The following CCT5 variants were observed in gnomAD, a reference collection of about 807,000 sequenced individuals.
The protein encoded by CCT5 is T-complex protein 1 subunit epsilon.
A neutral mutation model predicts 55.0 loss-of-function variants in CCT5; 6 were observed. The observed-to-expected ratio is 0.11, with a 90% CI of 0.06 to 0.22. CCT5 has a LOEUF of 0.22. Ranked by LOEUF, CCT5 falls within the 10% of genes least tolerant of loss-of-function variation. The pLI, the probability that CCT5 is intolerant of heterozygous loss-of-function variation, is 1.00. For missense variants in CCT5, 560 were observed against 694.6 expected (o/e 0.81, Z 2.18); for synonymous variants, 231 against 243.7 (o/e 0.95, Z 0.49).
chr5:10,263,335 T>C (rs752954653), intron 10 of CCT5, 21 bp downstream of exon 10: 1 of 1,401,710 alleles, frequency 7.1e-7, no homozygotes, highest in Non-Finnish European at 9.4e-7. Context: ...GTCACGCCTC[T>C]GCGTGGAGGG....
At chr5:10,253,483 C>G (rs1424122937) in intron 1 of CCT5, among the ~76,000 whole-genome samples, 1 of 152,158 alleles carries the variant, frequency 6.6e-6, no homozygotes, top group African/African-American at 2.4e-5. Flanking sequence ...AACTCCTGGC[C>G]TCAAGCAATC....
chr5:10,253,313 A>C (rs1745521063), intron 1 of CCT5, among the ~76,000 whole-genome samples: 1 of 131,384 alleles, frequency 7.6e-6, no homozygotes, highest in Admixed American at 8.2e-5. Flanking sequence ...TTTTTGAGAC[A>C]CAGCAAGACT....
chr5:10,264,577 T>A (rs970826668), intron 10 of CCT5, 79 bp from the exon 11 acceptor site: 2 of 958,220 alleles, frequency 2.1e-6, no homozygotes, highest in African/African-American at 3.2e-5. Context: ...TTACTGTGAT[T>A]CCCTAAATCA....
At chr5:10,250,512 G>A (rs1030925093) in intron 1 of CCT5, 67 bp downstream of exon 1, 1 of 1,594,702 alleles carries the variant, frequency 6.3e-7, no homozygotes, top group African/African-American at 1.3e-5. Flanking sequence ...CTCTGCGCCT[G>A]CGCGAGTTGA....
Position 10,254,131 on chromosome 5 carries a change from G to C in CCT5, c.106-14G>C, listed in dbSNP as rs1401457439. On this transcript the variant is annotated splice_polypyrimidine_tract_variant and intron_variant, in intron 1 of 10. Coordinates refer to ENST00000280326, the MANE Select transcript of CCT5 (RefSeq NM_012073.5). ...ATATGTAACAGTGTTTGCTTTTTCT[G>C]TTTGTTTCATTAGTCTCATATAATG... 1.9e-6 allele frequency: 3 copies of C among 1,587,278 alleles called. No homozygotes were observed. The highest frequency in any genetic ancestry group is 2.6e-6 in the Non-Finnish European group (3 of 1,156,022).
At chr5:10,252,763 T>G (rs1745489605) in intron 1 of CCT5, among the ~76,000 whole-genome samples, 1 of 152,202 alleles carries the variant, frequency 6.6e-6, no homozygotes, top group South Asian at 2.1e-4. Context: ...CCTTGATGTT[T>G]GATACTCTTC....
chr5:10,258,438 A>G lies in CCT5; in HGVS notation c.776A>G (p.Lys259Arg). The G allele has an allele frequency of 2.5e-6, 4 of 1,614,226 alleles. No individual in the cohort carries two copies. Among genetic ancestry groups the G allele is most frequent in the Non-Finnish European group, 3.4e-6 (4 of 1,180,026 alleles). The change falls in exon 6 of 11, where the codon AAA becomes AGA. Residue 259 changes from lysine (K) to arginine (R), a missense_variant. This residue lies in a region of CCT5 where 256 missense variants were observed against 372.4 expected (regional missense o/e 0.69). Coordinates refer to ENST00000280326, the MANE Select transcript of CCT5 (RefSeq NM_012073.5). ...AILTCPFEPP[K>R]PKTKHKLDVT... is the part of the protein sequence containing the mutation. ...CTCACATGTCCATTTGAACCACCCA[A>G]ACCAAAAACAAAGCATAAGCTGGAT... is the stretch of plus-strand genomic sequence containing the variant.
Position 10,250,508 on chromosome 5 carries a change from G to T in CCT5, c.105+63G>T. The T allele has an allele frequency of 1.9e-6, 3 of 1,597,124 alleles. No individual in the cohort carries two copies. In the African/African-American group the frequency reaches 4.0e-5, roughly 21 times the overall value. ...GAGGTGGCCGAGGCCGTGGCTCTGC[G>T]CCTGCGCGAGTTGAGGAGCGGCTCT... On this transcript the variant is annotated intron_variant, in intron 1 of 10. Transcript: ENST00000280326.
intron 8 of CCT5, chr5:10,261,967 A>C: frequency 1.8e-6 from 1 of 546,306 alleles, no homozygotes. Context: ...TACAATATAC[A>C]CTATGAGATT....
In CCT5 at chr5:10,250,359, C is replaced by G. The variant is rs754154147; in HGVS notation, c.19C>G (p.Leu7Val). 1.2e-6 allele frequency: 2 copies of G among 1,614,138 alleles called. No homozygotes were observed. Among genetic ancestry groups the G allele is most frequent in the Admixed American group, 3.3e-5 (2 of 60,032 alleles). Reference sequence around the variant, plus strand: ...TTGCACCATGGCGTCCATGGGGACCCTCGCCTTCGATGAATATGGGCGCCC... The same window carrying G: ...TTGCACCATGGCGTCCATGGGGACCGTCGCCTTCGATGAATATGGGCGCCC... MASMGT[L>V]AFDEYGRPFL... is the part of the protein sequence containing the mutation. Residue 7 changes from leucine (L) to valine (V), a missense_variant, in exon 1 of 11, where the codon CTC (leucine) becomes GTC (valine). Leu to Val is a conservative substitution (Grantham distance 32). Coordinates refer to ENST00000280326, the MANE Select transcript of CCT5 (RefSeq NM_012073.5).
intron 10 of CCT5, among the ~76,000 whole-genome samples, chr5:10,263,555 G>C (rs111409068): frequency 4.5e-4 from 69 of 152,310 alleles, no homozygotes; most frequent in African/African-American, 1.6e-3. Context: ...CACCAAAGAT[G>C]ACTTAGGTTT....
In CCT5 at chr5:10,262,550, C is replaced by T. The variant is rs776123781; in HGVS notation, c.1249C>T (p.Arg417Cys). 1 of 1,614,220 alleles carries T rather than the reference C, an allele frequency of 6.2e-7. No homozygotes were observed. Among genetic ancestry groups the T allele is most frequent in the Non-Finnish European group, 8.5e-7 (1 of 1,180,018 alleles). ...CVIRNLIRDN[R>C]VVYGGGAAEI... ...CATCCGGAACCTCATCCGCGATAAT[C>T]GTGTGGTGTATGGAGGAGGGGCTGC... The change falls in exon 9 of 11, where the codon CGT (arginine) becomes TGT (cysteine). Residue 417 changes from arginine (R) to cysteine (C), a missense_variant. This residue lies in a region of CCT5 where 256 missense variants were observed against 372.4 expected (regional missense o/e 0.69). Coordinates refer to ENST00000280326, the MANE Select transcript of CCT5 (RefSeq NM_012073.5).
Position 10,258,126 on chromosome 5 carries a change from C to A in CCT5, c.546C>A (p.His182Gln), listed in dbSNP as rs1471121762. Residue 182 changes from histidine (H) to glutamine (Q), a missense_variant, in exon 5 of 11, where the codon CAC becomes CAA. Physicochemically the swap from His to Gln is conservative, Grantham distance 24. Transcript: ENST00000280326. ...TLGSKVVNSC[H>Q]RQMAEIAVNA... ...TTTTCCTCAGGGTCAACAGTTGTCA[C>A]CGACAGATGGCTGAGATTGCTGTGA... The A allele has an allele frequency of 6.2e-7, 1 of 1,614,196 alleles. No homozygotes were observed. Among genetic ancestry groups the A allele is most frequent in the Admixed American group, 1.7e-5 (1 of 60,022 alleles).
Position 10,265,767 on chromosome 5 carries a change from T to TGA in CCT5, c.*984_*985insGA, listed in dbSNP as rs1336054184. 2.6e-4 allele frequency: 17 copies of TGA among 64,550 alleles called. No homozygotes were observed. Among genetic ancestry groups the TGA allele is most frequent in the Non-Finnish European group, 6.9e-4 (13 of 18,800 alleles). The allele number at this position is 64,550 out of a possible 1,614,324, so 4.0% of individuals were successfully genotyped here. On this transcript the variant is annotated 3_prime_UTR_variant, in exon 11 of 11. Transcript: ENST00000280326. ...TCTGACCCCAGAGTGGCCCAGCTCA[T>TGA]CCCCTACTCTGTTATTTGCTTGTTA...
At chr5:10,261,820 T>A in intron 8 of CCT5, 75 bp downstream of exon 8, 2 of 1,119,254 alleles carry the variant, frequency 1.8e-6, no homozygotes, top group Non-Finnish European at 2.7e-6. Context: ...TGTGTGTATT[T>A]AACAGAGACA....
chr5:10,250,064 A>T, upstream of CCT5: 1 of 1,540,122 alleles, frequency 6.5e-7, no homozygotes, highest in Non-Finnish European at 8.7e-7. Flanking sequence ...TTAAAAAATG[A>T]CAAATTCAAT....
intron 6 of CCT5, among the ~76,000 whole-genome samples, chr5:10,259,427 C>T (rs947224869): frequency 7.2e-5 from 11 of 152,162 alleles, no homozygotes; most frequent in African/African-American, 2.7e-4. Flanking sequence ...ATTGATGATA[C>T]GGTTCTTGGT....
At chr5:10,262,762 C>T in intron 9 of CCT5, 144 bp downstream of exon 9, 1 of 872,000 alleles carries the variant, frequency 1.1e-6, no homozygotes. Flanking sequence ...TAAGTTAATT[C>T]CCACGTTCCT....
chr5:10,250,578 G>A, intron 1 of CCT5, 133 bp downstream of exon 1: 2 of 1,494,676 alleles, frequency 1.3e-6, no homozygotes, highest in Middle Eastern at 2.4e-4. Flanking sequence ...TCTCCCTGCG[G>A]TCTCCGGCCG....
Sources: allele counts gnomAD v4.1 joint callset (sites outside exome capture counted in the v4.1 genomes callset), GRCh38; gene constraint gnomAD v4.1.1; regional missense constraint gnomAD v4.1.1; transcripts MANE v1.5; gene names NCBI Gene and HGNC (gene_info 2026-07-23, HGNC 2026-07-21).